The following EPHA6 variants were observed in gnomAD, a reference collection of about 807,000 sequenced individuals.
EPHA6 encodes EPH receptor A6.
EPHA6 carries 50 observed loss-of-function variants against 112.0 expected under a neutral mutation model. That is an observed-to-expected ratio of 0.45 (90% confidence interval 0.36 to 0.56). The LOEUF is 0.56. Ranked by LOEUF, EPHA6 falls within the 20% of genes least tolerant of loss-of-function variation. The pLI is 0.00. For synonymous variants in EPHA6, 529 were observed against 490.7 expected (o/e 1.08, Z -1.03); for missense variants, 1,280 against 1,417.4 (o/e 0.90, Z 1.56).
At chr3:97,401,239 C>G (rs1357018152) in intron 5 of EPHA6, among the ~76,000 whole-genome samples, 1 of 151,604 alleles carries the variant, frequency 6.6e-6, no homozygotes, top group Non-Finnish European at 1.5e-5. Context: ...TCTTCTTTAA[C>G]AGGGTGGCTG....
At chr3:96,943,822 T>G (rs1445317076) in intron 2 of EPHA6, among the ~76,000 whole-genome samples, 1 of 152,098 alleles carries the variant, frequency 6.6e-6, no homozygotes, top group African/African-American at 2.4e-5. Context: ...GCATATGTTA[T>G]GCTGAAAAAT....
At chr3:96,876,424 G>A (rs979428128) in intron 2 of EPHA6, among the ~76,000 whole-genome samples, 3 of 150,654 alleles carry the variant, frequency 2.0e-5, no homozygotes, top group African/African-American at 7.3e-5. Context: ...AGTTACCATA[G>A]TTGCATCCTA....
At chr3:96,817,879 C>A (rs536356123) in intron 1 of EPHA6, among the ~76,000 whole-genome samples, 1 of 151,862 alleles carries the variant, frequency 6.6e-6, no homozygotes, top group Non-Finnish European at 1.5e-5. Context: ...TAGAAAGGAT[C>A]TCTTCTCTTG....
At chr3:97,089,304 A>G (rs1054042929) in intron 3 of EPHA6, among the ~76,000 whole-genome samples, 1 of 152,168 alleles carries the variant, frequency 6.6e-6, no homozygotes, top group Non-Finnish European at 1.5e-5. Context: ...TGTTGATAAG[A>G]TGCTGAATAT....
chr3:97,198,409 C>CTGAA (rs904139752), intron 3 of EPHA6, among the ~76,000 whole-genome samples: 1 of 152,104 alleles, frequency 6.6e-6, no homozygotes, highest in Non-Finnish European at 1.5e-5. Context: ...GCTCCATATT[C>CTGAA]TGAAGTGCTT....
At chr3:97,730,264 C>T (rs1206569150) in intron 15 of EPHA6, among the ~76,000 whole-genome samples, 1 of 152,036 alleles carries the variant, frequency 6.6e-6, no homozygotes, top group African/African-American at 2.4e-5. Flanking sequence ...AGCAGAACAG[C>T]CTGCTACGTG....
At chr3:96,893,119 A>G (rs1013309902) in intron 2 of EPHA6, among the ~76,000 whole-genome samples, 2 of 152,126 alleles carry the variant, frequency 1.3e-5, no homozygotes, top group Non-Finnish European at 2.9e-5. Flanking sequence ...TCATAGCACA[A>G]TGCATTACTC....
chr3:97,723,635 G>A (rs2034627321), intron 15 of EPHA6, among the ~76,000 whole-genome samples: 1 of 152,016 alleles, frequency 6.6e-6, no homozygotes, highest in Non-Finnish European at 1.5e-5. Flanking sequence ...TGGTCTTGAC[G>A]TGCATTACCA....
chr3:96,988,686 T>C (rs1290091251), intron 3 of EPHA6, among the ~76,000 whole-genome samples: 1 of 152,146 alleles, frequency 6.6e-6, no homozygotes, highest in Non-Finnish European at 1.5e-5. Context: ...AATTAATCTT[T>C]TGCTATTATT....
chr3:96,899,439 C>G (rs921237789), intron 2 of EPHA6, among the ~76,000 whole-genome samples: 1 of 152,162 alleles, frequency 6.6e-6, no homozygotes, highest in African/African-American at 2.4e-5. Flanking sequence ...GGAAAAACTA[C>G]TACAAGTCAG....
At chr3:97,244,931 T>C (rs2078944214) in intron 5 of EPHA6, among the ~76,000 whole-genome samples, 1 of 152,020 alleles carries the variant, frequency 6.6e-6, no homozygotes, top group Admixed American at 6.6e-5. Context: ...TACAAGTATA[T>C]ACTTTCTTTA....
At chr3:97,344,173 G>A (rs2108869876) in intron 5 of EPHA6, among the ~76,000 whole-genome samples, 1 of 152,170 alleles carries the variant, frequency 6.6e-6, no homozygotes, top group Middle Eastern at 3.4e-3. Flanking sequence ...TGAGACTTTG[G>A]ACTTTAGACA....
At chr3:97,113,017 A>AAAAGT (rs2047770247) in intron 3 of EPHA6, among the ~76,000 whole-genome samples, 1 of 151,930 alleles carries the variant, frequency 6.6e-6, no homozygotes, top group Non-Finnish European at 1.5e-5. Flanking sequence ...AGCATACTTG[A>AAAAGT]CTTGTTTTTA....
chr3:97,496,285 A>G (rs910166292), intron 10 of EPHA6, among the ~76,000 whole-genome samples: 2 of 152,158 alleles, frequency 1.3e-5, no homozygotes, highest in Non-Finnish European at 2.9e-5. Flanking sequence ...TATCAGGAAA[A>G]AAAAGTCTGT....
rs1325872794 is a variant in EPHA6 at position 97,420,461 on chromosome 3, A to T, written c.1731+15187A>T. On this transcript the variant is annotated intron_variant, in intron 6 of 17. Coordinates refer to ENST00000389672, the MANE Select transcript of EPHA6 (RefSeq NM_001080448.3). ...TGAAAACTTACACAAACTAGAAAAA[A>T]CTTCATACATATATTATTTACTAAA... Among the ~76,000 whole-genome samples, 4 of 152,060 alleles carry T rather than the reference A, an allele frequency of 2.6e-5. No homozygotes were observed. The East Asian group carries it at 7.7e-4, about 29-fold the overall frequency.
chr3:97,026,807 GA>G (rs1287579379), intron 3 of EPHA6, among the ~76,000 whole-genome samples: 1 of 152,022 alleles, frequency 6.6e-6, no homozygotes, highest in East Asian at 1.9e-4. Flanking sequence ...AGGTTGTGGA[GA>G]AAAAAGAAAT....
At chr3:97,358,997 T>A (rs2108925169) in intron 5 of EPHA6, among the ~76,000 whole-genome samples, 1 of 152,078 alleles carries the variant, frequency 6.6e-6, no homozygotes, top group East Asian at 1.9e-4. Flanking sequence ...TCTTTTGAAA[T>A]TTTGATTATA....
In EPHA6 at chr3:97,508,435, G is replaced by A. The variant is rs374210043; in HGVS notation, c.2201-23923G>A. On this transcript the variant is annotated intron_variant, in intron 10 of 17. Transcript: ENST00000389672. ...TCATTATTTACCCAGTAGTCATCCA[G>A]GAGCAGGTTGTTGAGTTTCCATGTA... 3.9e-5 allele frequency among the ~76,000 whole-genome samples: 6 copies of A among 152,268 alleles called. No homozygotes were observed. The South Asian group carries it at 1.0e-3, about 26-fold the overall frequency.
At chr3:97,722,428 T>G (rs984450586) in intron 15 of EPHA6, among the ~76,000 whole-genome samples, 1 of 152,182 alleles carries the variant, frequency 6.6e-6, no homozygotes, top group Non-Finnish European at 1.5e-5. Flanking sequence ...AAGTGACATA[T>G]TTCCTTAAAC....
Sources: gnomAD v4.1 joint callset for allele counts (sites outside exome capture counted in the v4.1 genomes callset) on GRCh38, gnomAD v4.1.1 for gene constraint, MANE v1.5 for transcripts, NCBI Gene and HGNC (gene_info 2026-07-23, HGNC 2026-07-21) for gene names.